The following MBP variants were observed in gnomAD, a reference collection of about 807,000 sequenced individuals.
MBP encodes Golli-MBP.
Under a neutral mutation model 35.8 loss-of-function variants are expected in MBP, and 16 were observed. That is an observed-to-expected ratio of 0.45 (90% CI 0.30 to 0.68). MBP has a LOEUF of 0.68. Ranked by LOEUF, MBP falls within the 30% of genes least tolerant of loss-of-function variation. The pLI is 0.08. For synonymous variants in MBP, 143 were observed against 159.6 expected (o/e 0.90, Z 0.78); for missense variants, 380 against 404.7 (o/e 0.94, Z 0.52).
At chr18:77,009,971 C>T (rs953197236) in intron 4 of MBP, 25 of 1,370,342 alleles carry the variant, frequency 1.8e-5, no homozygotes, top group Middle Eastern at 4.7e-4. Flanking sequence ...GGGTGGGCGC[C>T]GCCGGCAATG....
At chr18:77,125,744 C>T (rs1351082401) in intron 1 of MBP, among the ~76,000 whole-genome samples, 2 of 150,852 alleles carry the variant, frequency 1.3e-5, no homozygotes, top group Non-Finnish European at 3.0e-5. Context: ...TGTTTCCCTC[C>T]TTTTTTTTTG....
chr18:77,085,918 G>A (rs1257324277), intron 2 of MBP, among the ~76,000 whole-genome samples: 3 of 151,970 alleles, frequency 2.0e-5, no homozygotes, highest in Non-Finnish European at 4.4e-5. Context: ...TCCTGACCTC[G>A]TGATCCACCT....
At chr18:77,119,855 G>A (rs1350289643) in intron 1 of MBP, among the ~76,000 whole-genome samples, 3 of 152,214 alleles carry the variant, frequency 2.0e-5, no homozygotes, top group African/African-American at 4.8e-5. Flanking sequence ...CTGTGGACCA[G>A]CTCCCTTCCC....
intron 1 of MBP, among the ~76,000 whole-genome samples, chr18:77,132,028 C>A (rs1341094645): frequency 6.6e-6 from 1 of 152,064 alleles, no homozygotes; most frequent in East Asian, 1.9e-4. Flanking sequence ...GCGCGCGGGG[C>A]CCCCGGGGTG....
chr18:77,078,903 C>T (rs1308044751), intron 2 of MBP, among the ~76,000 whole-genome samples: 1 of 152,214 alleles, frequency 6.6e-6, no homozygotes, highest in Non-Finnish European at 1.5e-5. Context: ...CACTGGGACT[C>T]CAGGAGCCTG....
In MBP at chr18:77,101,014, C is replaced by T. The variant is rs569834271; in HGVS notation, c.51+4197G>A. Among the ~76,000 whole-genome samples, 3 of 152,218 alleles carry T rather than the reference C, an allele frequency of 2.0e-5. No individual in the cohort carries two copies. The highest frequency in any genetic ancestry group is 3.2e-3 in the Middle Eastern group (1 of 316). ...CTGGCACATGGGCACGTTCTGAGCG[C>T]TTGCTGACCCTCCCAAAGGTAACTG... On this transcript the variant is annotated intron_variant, in intron 2 of 8. Coordinates refer to ENST00000355994, the MANE Select transcript of MBP (RefSeq NM_001025101.2). This position sits in a 1 kb window ranked among gnomAD's most constrained non-coding sequence, Gnocchi z 4.3.
chr18:77,023,178 C>T (rs759201654), intron 3 of MBP, among the ~76,000 whole-genome samples: 10 of 152,116 alleles, frequency 6.6e-5, no homozygotes, highest in Admixed American at 3.9e-4. Flanking sequence ...CATGTATCTC[C>T]GAGTGGTTTC....
intron 3 of MBP, among the ~76,000 whole-genome samples, chr18:77,028,117 C>T (rs1425233446): frequency 6.7e-6 from 1 of 149,200 alleles, no homozygotes; most frequent in East Asian, 2.0e-4. Flanking sequence ...CTCTGGTTTT[C>T]CTAGGCAGAG....
chr18:77,042,625 C>T (rs1047192341), intron 3 of MBP, among the ~76,000 whole-genome samples: 3 of 152,152 alleles, frequency 2.0e-5, no homozygotes, highest in Non-Finnish European at 4.4e-5. Context: ...TATTTTAGGT[C>T]TTTTCTTGGG....
At chr18:77,012,971 G>C in intron 4 of MBP, 1 of 985,370 alleles carries the variant, frequency 1.0e-6, no homozygotes, top group Non-Finnish European at 1.2e-6. Context: ...TGCCAGTACA[G>C]ACACATCCAG....
At chr18:77,036,146 G>C (rs1285272398) in intron 3 of MBP, among the ~76,000 whole-genome samples, 5 of 148,176 alleles carry the variant, frequency 3.4e-5, no homozygotes, top group Admixed American at 6.7e-5. Flanking sequence ...AGCTGAGCAA[G>C]TGCTGGTCAC....
At chr18:77,006,898 C>A (rs1490892653) in intron 4 of MBP, 6 of 152,600 alleles carry the variant, frequency 3.9e-5, no homozygotes, top group Non-Finnish European at 8.8e-5. Context: ...AAGAGAGAGA[C>A]ACGAAGAGGG....
rs754034418 is a variant in MBP at position 77,017,246 on chromosome 18, G to T, written c.162C>A (p.Asn54Lys). Residue 54 changes from asparagine (N) to lysine (K), a missense_variant, in exon 4 of 9, where the codon AAC (asparagine) becomes AAA (lysine). Coordinates refer to ENST00000355994, the MANE Select transcript of MBP (RefSeq NM_001025101.2). ...CTGTGTCCTGAGAGGAGGTCCCATTGTTCTGGTTCGCATCTGCCTCTCCTG... is the reference window on the plus strand; with the variant it reads ...CTGTGTCCTGAGAGGAGGTCCCATTTTTCTGGTTCGCATCTGCCTCTCCTG... The part of the protein sequence containing the change: ...EVFGEADANQ[N>K]NGTSSQDTAV... 2.6e-6 allele frequency: 4 copies of T among 1,512,226 alleles called. No homozygotes were observed. The highest frequency in any genetic ancestry group is 3.5e-6 in the Non-Finnish European group (4 of 1,131,238). 93.7% of individuals were successfully genotyped at this position (1,512,226 alleles called of 1,614,324 possible). A position where few individuals can be genotyped will look rare whatever the true frequency, so the allele number is the denominator to read the frequency against.
At position 76,989,919 on chromosome 18, in the gene MBP, T is replaced by G. The variant is rs763596032; in HGVS notation, c.681+37A>C. On this transcript the variant is annotated intron_variant, in intron 5 of 8. Transcript: ENST00000355994. This position sits in a 1 kb window ranked among gnomAD's most constrained non-coding sequence, Gnocchi z 4.0. ...CAGTGGCCAGCACCCCTCCTCCCCC[T>G]CACAGTTGCTACCTCTTCCCATCGA... 7.3e-5 allele frequency: 113 copies of G among 1,554,214 alleles called. 1 individual carries two copies. Among genetic ancestry groups the G allele is most frequent in the South Asian group, 2.6e-4 (23 of 89,734 alleles).
intron 1 of MBP, among the ~76,000 whole-genome samples, chr18:77,107,098 A>C (rs1976302770): frequency 6.6e-6 from 1 of 152,166 alleles, no homozygotes; most frequent in Non-Finnish European, 1.5e-5. Context: ...GTTTTAACTA[A>C]ATATTAAGAG....
intron 3 of MBP, among the ~76,000 whole-genome samples, chr18:77,024,280 T>C (rs1972109341): frequency 1.3e-5 from 2 of 151,690 alleles, no homozygotes; most frequent in Non-Finnish European, 2.9e-5. Context: ...TCAACTATTG[T>C]TAGTGTATTT....
At chr18:77,033,517 C>G (rs1022603191) in intron 3 of MBP, among the ~76,000 whole-genome samples, 2 of 152,108 alleles carry the variant, frequency 1.3e-5, no homozygotes, top group African/African-American at 4.8e-5. Flanking sequence ...ACCTTGTGCA[C>G]AGGAGTAAGG....
At chr18:77,039,164 C>T (rs1318784419) in intron 3 of MBP, among the ~76,000 whole-genome samples, 1 of 152,222 alleles carries the variant, frequency 6.6e-6, no homozygotes, top group Non-Finnish European at 1.5e-5. Context: ...ATGGCAGGTG[C>T]ACAAGCAGAG....
chr18:77,087,392 CTT>C (rs953439486), intron 2 of MBP: 1 of 151,912 alleles, frequency 6.6e-6, no homozygotes, highest in Non-Finnish European at 1.5e-5. Context: ...CCATTTTTTT[CTT>C]TTTTTTCTGC....
Sources: allele counts gnomAD v4.1 joint callset (sites outside exome capture counted in the v4.1 genomes callset), GRCh38; gene constraint gnomAD v4.1.1; non-coding constraint Gnocchi (gnomAD v3.1); transcripts MANE v1.5; gene names NCBI Gene and HGNC (gene_info 2026-07-23, HGNC 2026-07-21).